Variants in GATAD2A observed in about 807,000 individuals in gnomAD.
The protein encoded by GATAD2A is GATA zinc finger domain containing 2A.
Under a neutral mutation model 68.5 loss-of-function variants are expected in GATAD2A, and 12 were observed. The observed-to-expected ratio is 0.18, with a 90% CI of 0.11 to 0.28. GATAD2A has a LOEUF of 0.28. Among genes scored for constraint, GATAD2A ranks in the 10% least tolerant of loss-of-function variants. GATAD2A has a pLI of 1.00. For missense variants in GATAD2A, 755 were observed against 868.5 expected (o/e 0.87, Z 1.64); for synonymous variants, 410 against 375.3 (o/e 1.09, Z -1.07).
At chr19:19,484,386 T>C (rs2059266155) in intron 2 of GATAD2A, among the ~76,000 whole-genome samples, 1 of 152,028 alleles carries the variant, frequency 6.6e-6, no homozygotes, top group African/African-American at 2.4e-5. Flanking sequence ...CATTGAACTA[T>C]GATCACACCA....
chr19:19,500,220 G>A (rs757446416), intron 8 of GATAD2A, among the ~76,000 whole-genome samples: 2 of 152,206 alleles, frequency 1.3e-5, no homozygotes, highest in East Asian at 3.9e-4. Context: ...TTCTGGCGCC[G>A]CTCACGCTGG....
At chr19:19,416,963 T>C (rs2051720840) in intron 1 of GATAD2A, among the ~76,000 whole-genome samples, 1 of 152,184 alleles carries the variant, frequency 6.6e-6, no homozygotes, top group South Asian at 2.1e-4. Context: ...GGTTTCACCA[T>C]GTTGGCCAGG....
intron 1 of GATAD2A, among the ~76,000 whole-genome samples, chr19:19,433,040 C>T (rs895923725): frequency 6.6e-6 from 1 of 152,140 alleles, no homozygotes; most frequent in African/African-American, 2.4e-5. Context: ...GGGGACAACT[C>T]CAAATTTTAA....
At chr19:19,483,533 T>TG (rs2059200413) in intron 2 of GATAD2A, among the ~76,000 whole-genome samples, 1 of 151,874 alleles carries the variant, frequency 6.6e-6, no homozygotes, top group Non-Finnish European at 1.5e-5. Context: ...GCAGAGGGGC[T>TG]GCGGCTGGCG....
intron 9 of GATAD2A, 142 bp from the exon 10 acceptor site, chr19:19,501,827 T>G: frequency 1.5e-6 from 1 of 655,460 alleles, no homozygotes; most frequent in South Asian, 1.9e-5. Context: ...TTCTTTGCAA[T>G]TCACTAAACG....
At position 19,506,557 on chromosome 19, in the gene GATAD2A, G is replaced by A. The variant is rs1451595310; in HGVS notation, c.*1083G>A. On this transcript the variant is annotated 3_prime_UTR_variant, in exon 12 of 12. Coordinates refer to ENST00000683918, the MANE Select transcript of GATAD2A (RefSeq NM_001384528.1). ...CACAGATGTCAGGATTTCCGTTTGGGTCTAGTTTAGAACCTGTCCTTAAAC... is the reference window on the plus strand; with the variant it reads ...CACAGATGTCAGGATTTCCGTTTGGATCTAGTTTAGAACCTGTCCTTAAAC... 1 of 165,404 alleles carries A rather than the reference G, an allele frequency of 6.0e-6. No homozygotes were observed. The highest frequency in any genetic ancestry group is 1.3e-5 in the Non-Finnish European group (1 of 77,456). 10.2% of individuals were successfully genotyped at this position (165,404 alleles called of 1,614,324 possible).
intron 1 of GATAD2A, among the ~76,000 whole-genome samples, chr19:19,406,477 C>T (rs1470663665): frequency 6.7e-6 from 1 of 148,430 alleles, no homozygotes; most frequent in Non-Finnish European, 1.5e-5. Context: ...GCGGCGGCGG[C>T]GGATCCCGTG....
chr19:19,459,322 G>C (rs1477431796), intron 1 of GATAD2A, among the ~76,000 whole-genome samples: 1 of 150,430 alleles, frequency 6.6e-6, no homozygotes, highest in African/African-American at 2.4e-5. Flanking sequence ...GTTCCTTTCA[G>C]TTTTGATTTT....
chr19:19,442,232 C>T (rs896950721), intron 1 of GATAD2A, among the ~76,000 whole-genome samples: 3 of 152,180 alleles, frequency 2.0e-5, no homozygotes, highest in Admixed American at 1.3e-4. Flanking sequence ...GTGTAAGACA[C>T]ACTGGGGTTG....
chr19:19,491,164 C>T (rs911050578), intron 2 of GATAD2A, among the ~76,000 whole-genome samples: 1 of 152,132 alleles, frequency 6.6e-6, no homozygotes, highest in Non-Finnish European at 1.5e-5. Context: ...CGGAGCCTGG[C>T]CTGCAGTTAG....
At chr19:19,412,749 A>G (rs975672317) in intron 1 of GATAD2A, among the ~76,000 whole-genome samples, 1 of 152,144 alleles carries the variant, frequency 6.6e-6, no homozygotes, top group Non-Finnish European at 1.5e-5. Flanking sequence ...CATTCTGTGC[A>G]ATTAACCTTT....
intron 1 of GATAD2A, among the ~76,000 whole-genome samples, chr19:19,409,058 T>C (rs2050623758): frequency 1.5e-5 from 2 of 134,140 alleles, no homozygotes; most frequent in South Asian, 2.4e-4. Context: ...TGGAAGAAAA[T>C]TAAGAATGAC....
intron 1 of GATAD2A, among the ~76,000 whole-genome samples, chr19:19,415,806 CAG>C (rs1418548920): frequency 2.6e-5 from 4 of 151,860 alleles, no homozygotes; most frequent in East Asian, 1.9e-4. Context: ...TTGGTAGAGA[CAG>C]GGTATCACCA....
intron 1 of GATAD2A, among the ~76,000 whole-genome samples, chr19:19,460,163 C>CT (rs2147945640): frequency 6.6e-6 from 1 of 152,304 alleles, no homozygotes; most frequent in East Asian, 1.9e-4. Context: ...TGGTTTGACT[C>CT]TTAGGAAGTG....
chr19:19,401,903 A>G (rs1218030924), upstream of GATAD2A: 1 of 152,200 alleles, frequency 6.6e-6, no homozygotes, highest in Non-Finnish European at 1.5e-5. Flanking sequence ...TCAGTTGTAT[A>G]GGGACAGGCT....
chr19:19,428,623 G>C (rs2053361123), intron 1 of GATAD2A, among the ~76,000 whole-genome samples: 1 of 152,198 alleles, frequency 6.6e-6, no homozygotes. Flanking sequence ...GGGAGGCCTG[G>C]AGTGCCAGGG....
chr19:19,500,728 C>T (rs138197892), intron 8 of GATAD2A, among the ~76,000 whole-genome samples: 72 of 152,366 alleles, frequency 4.7e-4, no homozygotes, highest in Admixed American at 2.4e-3. Flanking sequence ...TCAGTTTCCT[C>T]ATCAGGACAT....
intron 1 of GATAD2A, chr19:19,465,055 C>T (rs972760192): frequency 9.6e-6 from 5 of 523,398 alleles, no homozygotes; most frequent in African/African-American, 7.6e-5. Context: ...TGCTCCTGTT[C>T]AGCACCCTGC....
At position 19,502,477 on chromosome 19, in the gene GATAD2A, C is replaced by T. The variant is rs769760745; in HGVS notation, c.1725C>T (p.Ala575=). 13 of 1,613,500 alleles carry T rather than the reference C, an allele frequency of 8.1e-6. No homozygotes were observed. Among genetic ancestry groups the T allele is most frequent in the African/African-American group, 1.3e-5 (1 of 75,054 alleles). The change falls in exon 11 of 12, where the codon GCC becomes GCT. Residue 575 remains alanine, a synonymous_variant. Coordinates refer to ENST00000683918, the MANE Select transcript of GATAD2A (RefSeq NM_001384528.1). The part of the protein sequence containing the change: ...TGRHSERTVS[A]GKGSATSNWK... ...GACATTCTGAGAGAACCGTGAGCGC[C>T]GGCAAGGGCAGCGCCACCTCCAACT... is the stretch of plus-strand genomic sequence containing the variant.
Sources: allele counts gnomAD v4.1 joint callset (sites outside exome capture counted in the v4.1 genomes callset), GRCh38; gene constraint gnomAD v4.1.1; transcripts MANE v1.5; gene names NCBI Gene and HGNC (gene_info 2026-07-23, HGNC 2026-07-21).